The following ARHGEF10 variants were observed in gnomAD, a reference collection of about 807,000 sequenced individuals.
The protein encoded by ARHGEF10 is Rho guanine nucleotide exchange factor 10, also known as Rho guanine nucleotide exchange factor (GEF) 10.
Under a neutral mutation model 147.4 loss-of-function variants are expected in ARHGEF10, and 140 were observed. The ratio of observed to expected loss-of-function variants is 0.95; its 90% CI spans 0.83 to 1.09. ARHGEF10 has a LOEUF of 1.09. ARHGEF10 is among the 50% of genes least tolerant of loss of function. ARHGEF10 has a pLI of 0.00. For synonymous variants in ARHGEF10, 902 were observed against 695.8 expected, an observed-to-expected ratio of 1.30 and a Z score of -4.67; for missense variants, 2,222 against 1,752.7, an observed-to-expected ratio of 1.27 and a Z score of -4.78.
intron 20 of ARHGEF10, 47 bp downstream of exon 20, chr8:1,923,642 G>C: frequency 6.2e-7 from 1 of 1,614,186 alleles, no homozygotes; most frequent in Non-Finnish European, 8.5e-7. Flanking sequence ...ATGCTGGGGA[G>C]AAAATGGTTC....
chr8:1,957,433 C>G lies in ARHGEF10; in HGVS notation c.*170C>G. On this transcript the variant is annotated 3_prime_UTR_variant, in exon 29 of 29. Transcript: ENST00000349830. ...ATGGTGGTGTCCCTGCCAATTCCTT[C>G]CTTCTCTTCTGTACAGCAGAAGTAA... 7 of 938,278 alleles carry G rather than the reference C, an allele frequency of 7.5e-6. No individual in the cohort carries two copies. The highest frequency in any genetic ancestry group is 3.3e-5 in the South Asian group (2 of 60,864). 58.1% of individuals were successfully genotyped at this position (938,278 alleles called of 1,614,324 possible).
At chr8:1,911,968 A>C (rs1173840369) in intron 18 of ARHGEF10, among the ~76,000 whole-genome samples, 1 of 152,232 alleles carries the variant, frequency 6.6e-6, no homozygotes, top group Non-Finnish European at 1.5e-5. Flanking sequence ...AGAAATTCTC[A>C]TTCTCAGTCG....
In ARHGEF10 at chr8:1,898,407, G is replaced by T. The variant is rs1419677979; in HGVS notation, c.1558-26G>T. ...GGAGGGCATGGCAGCCCTGCAGGGAGGTGACCCCGGTGCCTTCCCCCACAG... is the reference window on the plus strand; with the variant it reads ...GGAGGGCATGGCAGCCCTGCAGGGATGTGACCCCGGTGCCTTCCCCCACAG... On this transcript the variant is annotated intron_variant, in intron 14 of 28. Transcript: ENST00000349830. The T allele has an allele frequency of 1.9e-6, 3 of 1,609,484 alleles. No homozygotes were observed. In the Admixed American group the frequency reaches 5.0e-5, roughly 27 times the overall value.
Position 1,853,083 on chromosome 8 carries a change from A to G in ARHGEF10, c.38-4877A>G, listed in dbSNP as rs116672565. Among the ~76,000 whole-genome samples the G allele has an allele frequency of 4.3e-3, 499 of 115,178 alleles. 5 individuals are homozygous for G. The highest frequency in any genetic ancestry group is 0.019 in the African/African-American group (479 of 25,088). 75.6% of individuals were successfully genotyped at this position (115,178 alleles called of 152,430 possible). ...GCGGGTGGTTAGATTTGGGCCGGGC[A>G]CTGGCGGGTGGTTAGATTTGGGCTG... On this transcript the variant is annotated intron_variant, in intron 2 of 28. Transcript: ENST00000349830.
chr8:1,924,338 C>T (rs1054316114), intron 21 of ARHGEF10, among the ~76,000 whole-genome samples: 6 of 152,160 alleles, frequency 3.9e-5, no homozygotes, highest in Admixed American at 6.5e-5. Flanking sequence ...TGTGGTTTTA[C>T]TGTAGATGGA....
intron 25 of ARHGEF10, among the ~76,000 whole-genome samples, chr8:1,930,252 C>G (rs1356001913): frequency 2.0e-5 from 3 of 152,068 alleles, no homozygotes; most frequent in Non-Finnish European, 2.9e-5. Context: ...CACCACCCTC[C>G]CCACGGCCGG....
rs1563250499 is a variant in ARHGEF10, at chr8:1,896,341, G to A, written c.1449G>A (p.Lys483=). Residue 483 remains lysine, a synonymous_variant, in exon 14 of 29, where the codon AAG becomes AAA. Coordinates refer to ENST00000349830, the MANE Select transcript of ARHGEF10 (RefSeq NM_014629.4). ...IGDVFVASFS[K]SMVLDAYSEY... ...TTCCTCCTGTGTTTCAGTTTTCTAAGTCCATGGTGCTGGATGCATACAGTG... is the reference window on the plus strand; with the variant it reads ...TTCCTCCTGTGTTTCAGTTTTCTAAATCCATGGTGCTGGATGCATACAGTG... 6.2e-7 allele frequency: 1 copy of A among 1,613,176 alleles called. No homozygotes were observed. The highest frequency in any genetic ancestry group is 1.7e-5 in the Admixed American group (1 of 60,012).
intron 2 of ARHGEF10, among the ~76,000 whole-genome samples, chr8:1,856,693 C>T (rs1048791904): frequency 2.0e-5 from 3 of 152,186 alleles, no homozygotes; most frequent in Non-Finnish European, 4.4e-5. Context: ...CTGGGCCGTC[C>T]TGCTTGGGTG....
At chr8:1,926,632 G>T in intron 23 of ARHGEF10, 169 bp downstream of exon 23, 1 of 703,078 alleles carries the variant, frequency 1.4e-6, no homozygotes, top group Non-Finnish European at 2.6e-6. Context: ...GATCACTTTT[G>T]GAAAAGATTT....
chr8:1,900,225 A>G (rs1480141678), intron 15 of ARHGEF10, among the ~76,000 whole-genome samples: 1 of 152,156 alleles, frequency 6.6e-6, no homozygotes, highest in Non-Finnish European at 1.5e-5. Flanking sequence ...ACATTCTTTT[A>G]GACAGAAGGG....
intron 7 of ARHGEF10, among the ~76,000 whole-genome samples, chr8:1,872,352 C>G (rs986956342): frequency 6.6e-6 from 1 of 152,098 alleles, no homozygotes; most frequent in African/African-American, 2.4e-5. Flanking sequence ...GCGGACAAAC[C>G]CCTCAGTCGC....
chr8:1,925,449 C>T (rs778162155), intron 22 of ARHGEF10, 45 bp downstream of exon 22: 31 of 1,610,844 alleles, frequency 1.9e-5, no homozygotes, highest in Admixed American at 6.7e-5. Flanking sequence ...ACGCACCTCG[C>T]AGCTCTGAAT....
intron 6 of ARHGEF10, 121 bp from the exon 7 acceptor site, chr8:1,869,073 A>T: frequency 1.1e-6 from 1 of 879,076 alleles, no homozygotes; most frequent in Non-Finnish European, 1.9e-6. Context: ...AAAAAAAACT[A>T]CCCTTATAAA....
At chr8:1,920,336 A>G (rs993301598) in intron 18 of ARHGEF10, among the ~76,000 whole-genome samples, 1 of 152,158 alleles carries the variant, frequency 6.6e-6, no homozygotes, top group Non-Finnish European at 1.5e-5. Context: ...TTATTTATTA[A>G]TTTTGATACA....
chr8:1,860,136 G>A lies in ARHGEF10; in HGVS notation c.433G>A (p.Ala145Thr), dbSNP rs533580747. ...CTCCAACCTGCCCCTCCTGCTGCCC[G>A]CCTACTCCAGCCCGGTCATCATCTG... ...VPSNLPLLLPAYSSPVIICAT... is the reference protein window; with the variant it reads ...VPSNLPLLLPTYSSPVIICAT... Residue 145 changes from alanine to threonine, a missense_variant, in exon 4 of 29, where the codon GCC becomes ACC. Ala to Thr is a moderately conservative substitution (Grantham distance 58). Coordinates refer to ENST00000349830, the MANE Select transcript of ARHGEF10 (RefSeq NM_014629.4). 3.6e-4 allele frequency: 574 copies of A among 1,613,792 alleles called. 11 individuals are homozygous for A. The South Asian group carries it at 5.7e-3, about 16-fold the overall frequency.
At chr8:1,905,752 C>T in intron 17 of ARHGEF10, 36 bp downstream of exon 17, 1 of 1,609,922 alleles carries the variant, frequency 6.2e-7, no homozygotes, top group Non-Finnish European at 8.5e-7. Context: ...GTCCTACCAT[C>T]ATCACATGTT....
chr8:1,931,228 A>G (rs1251915700), intron 25 of ARHGEF10, among the ~76,000 whole-genome samples: 2 of 152,166 alleles, frequency 1.3e-5, no homozygotes, highest in Non-Finnish European at 2.9e-5. Flanking sequence ...CTCTTTCATG[A>G]AGCTTCGTGG....
Position 1,952,736 on chromosome 8 carries a change from C to A in ARHGEF10, c.3429C>A (p.Leu1143=). The A allele has an allele frequency of 6.2e-7, 1 of 1,613,322 alleles. No homozygotes were observed. The highest frequency in any genetic ancestry group is 1.7e-4 in the Middle Eastern group (1 of 6,056). Residue 1143 remains leucine (L), a synonymous_variant, in exon 28 of 29, where the codon CTC becomes CTA. Coordinates refer to ENST00000349830, the MANE Select transcript of ARHGEF10 (RefSeq NM_014629.4). ...AGCGGCTGTCGGTGACGAGCCTGCT[C>A]GTCTGCCACGGATTGCTGATGGTCG... The part of the protein sequence containing the change: ...GHQRLSVTSL[L]VCHGLLMVGT...
chr8:1,884,312 C>T (rs1003782589), intron 10 of ARHGEF10, among the ~76,000 whole-genome samples: 8 of 151,404 alleles, frequency 5.3e-5, no homozygotes, highest in Non-Finnish European at 7.4e-5. Flanking sequence ...AGGAGAATGG[C>T]GTGAACCCGG....
Sources: allele counts gnomAD v4.1 joint callset (sites outside exome capture counted in the v4.1 genomes callset), GRCh38; gene constraint gnomAD v4.1.1; transcripts MANE v1.5; gene names NCBI Gene and HGNC (gene_info 2026-07-23, HGNC 2026-07-21).